POU2F1: variants seen among roughly 807,000 people sequenced by gnomAD.
POU2F1 encodes the protein POU class 2 homeobox 1.
Under a neutral mutation model 84.9 loss-of-function variants are expected in POU2F1, and 16 were observed. That is an observed-to-expected ratio of 0.19 (90% CI 0.13 to 0.29). The LOEUF is 0.29. Among genes scored for constraint, POU2F1 ranks in the 10% least tolerant of loss-of-function variants. The pLI, the probability that POU2F1 is intolerant of heterozygous loss-of-function variation, is 1.00. For synonymous variants in POU2F1, 368 were observed against 368.3 expected (o/e 1.00, Z 0.01); for missense variants, 738 against 942.6 (o/e 0.78, Z 2.84).
intron 1 of POU2F1, among the ~76,000 whole-genome samples, chr1:167,230,264 T>C (rs1648962672): frequency 6.6e-6 from 1 of 152,152 alleles, no homozygotes; most frequent in African/African-American, 2.4e-5. Context: ...TGGAAGGCCA[T>C]GGTGTATGGT....
chr1:167,329,377 T>G, intron 1 of POU2F1: 5 of 1,498,526 alleles, frequency 3.3e-6, no homozygotes, highest in Non-Finnish European at 4.5e-6. Flanking sequence ...TGACTATGCA[T>G]AAATGCTTAA....
At chr1:167,241,775 T>C (rs945489465) in intron 1 of POU2F1, among the ~76,000 whole-genome samples, 5 of 152,236 alleles carry the variant, frequency 3.3e-5, no homozygotes, top group African/African-American at 1.2e-4. Flanking sequence ...CATTGTTATG[T>C]GTTTTATAGG....
intron 1 of POU2F1, among the ~76,000 whole-genome samples, chr1:167,250,343 CAG>C (rs1650632585): frequency 2.6e-5 from 4 of 152,036 alleles, no homozygotes; most frequent in Admixed American, 1.3e-4. Context: ...GAAAAGAAAA[CAG>C]TGTTTTTGGC....
chr1:167,356,503 A>G (rs193226520), intron 2 of POU2F1, among the ~76,000 whole-genome samples: 272 of 152,132 alleles, frequency 1.8e-3, no homozygotes, highest in Non-Finnish European at 2.0e-3. Flanking sequence ...AAGTAGTAGT[A>G]GTGTTACCAG....
intron 2 of POU2F1, among the ~76,000 whole-genome samples, chr1:167,337,522 T>G (rs529034765): frequency 1.3e-5 from 2 of 151,956 alleles, no homozygotes; most frequent in Non-Finnish European, 2.9e-5. Flanking sequence ...GAAAGATGTT[T>G]GGCTTTAAAA....
intron 1 of POU2F1, among the ~76,000 whole-genome samples, chr1:167,272,288 A>G (rs266835): frequency 0.017 from 2,434 of 147,426 alleles, 68 homozygotes; most frequent in African/African-American, 0.057. Flanking sequence ...ATGTCAAAAT[A>G]GTAAATATTA....
At chr1:167,238,724 A>G (rs903296143) in intron 1 of POU2F1, among the ~76,000 whole-genome samples, 4 of 152,254 alleles carry the variant, frequency 2.6e-5, no homozygotes, top group Non-Finnish European at 5.9e-5. Flanking sequence ...TCTTCCATAA[A>G]TACCTGTTTT....
At chr1:167,238,952 A>C (rs1469794310) in intron 1 of POU2F1, among the ~76,000 whole-genome samples, 1 of 152,118 alleles carries the variant, frequency 6.6e-6, no homozygotes, top group African/African-American at 2.4e-5. Flanking sequence ...ACATCCTGAA[A>C]AGTTTTGTTC....
intron 3 of POU2F1, among the ~76,000 whole-genome samples, chr1:167,366,653 C>T (rs894602083): frequency 2.0e-5 from 3 of 151,858 alleles, no homozygotes; most frequent in Admixed American, 1.3e-4. Context: ...CACATAGCTT[C>T]GTTTATATCT....
At chr1:167,273,025 C>T (rs1404549658) in intron 1 of POU2F1, among the ~76,000 whole-genome samples, 2 of 152,194 alleles carry the variant, frequency 1.3e-5, no homozygotes, top group Admixed American at 6.5e-5. Flanking sequence ...AGTAAACACA[C>T]CCATTCCAAA....
chr1:167,394,222 T>C (rs980411888), intron 9 of POU2F1, among the ~76,000 whole-genome samples: 13 of 152,042 alleles, frequency 8.6e-5, no homozygotes, highest in African/African-American at 2.9e-4. Context: ...GGTTTTGCCA[T>C]GTTGGCCAGG....
At chr1:167,294,810 T>C (rs1041617113) in intron 1 of POU2F1, among the ~76,000 whole-genome samples, 1 of 152,090 alleles carries the variant, frequency 6.6e-6, no homozygotes, top group African/African-American at 2.4e-5. Context: ...ACAAGCTCTA[T>C]GAAAAGTAGT....
At chr1:167,231,739 G>T (rs1482453922) in intron 1 of POU2F1, among the ~76,000 whole-genome samples, 1 of 152,158 alleles carries the variant, frequency 6.6e-6, no homozygotes, top group East Asian at 1.9e-4. Flanking sequence ...CGAGAGATTT[G>T]AAGTACCCCA....
intron 1 of POU2F1, among the ~76,000 whole-genome samples, chr1:167,279,518 A>G (rs1389833404): frequency 6.6e-6 from 1 of 152,206 alleles, no homozygotes; most frequent in Non-Finnish European, 1.5e-5. Flanking sequence ...CTTAGAACAG[A>G]GGAAAAATGT....
chr1:167,312,685 AT>A (rs1361042423), intron 1 of POU2F1, among the ~76,000 whole-genome samples: 1 of 152,196 alleles, frequency 6.6e-6, no homozygotes, highest in East Asian at 1.9e-4. Flanking sequence ...GTGTACAGTA[AT>A]GTCTTAGGCC....
intron 2 of POU2F1, among the ~76,000 whole-genome samples, chr1:167,334,487 G>GTT (rs1423986239): frequency 6.6e-6 from 1 of 152,190 alleles, no homozygotes; most frequent in African/African-American, 2.4e-5. Context: ...AGGAAATAAA[G>GTT]TCAGGTTTAG....
chr1:167,252,900 T>G (rs1488544609), intron 1 of POU2F1, among the ~76,000 whole-genome samples: 1 of 152,252 alleles, frequency 6.6e-6, no homozygotes, highest in Non-Finnish European at 1.5e-5. Context: ...TTTCTGTTAT[T>G]TCTATGCCCA....
chr1:167,243,889 C>T (rs1650107260), intron 1 of POU2F1, among the ~76,000 whole-genome samples: 1 of 152,132 alleles, frequency 6.6e-6, no homozygotes, highest in African/African-American at 2.4e-5. Flanking sequence ...AGTACAGGAC[C>T]CAGATTTCAG....
intron 1 of POU2F1, among the ~76,000 whole-genome samples, chr1:167,318,305 C>T (rs1196639717): frequency 1.3e-5 from 2 of 152,188 alleles, no homozygotes; most frequent in African/African-American, 2.4e-5. Flanking sequence ...ATAATAGGAA[C>T]TCTTGCCATA....
Sources: gnomAD v4.1 joint callset for allele counts (sites outside exome capture counted in the v4.1 genomes callset) on GRCh38, gnomAD v4.1.1 for gene constraint, MANE v1.5 for transcripts, NCBI Gene and HGNC (gene_info 2026-07-23, HGNC 2026-07-21) for gene names.